ZMAT4: variants seen among roughly 807,000 people sequenced by gnomAD.
ZMAT4 encodes zinc finger matrin-type 4.
In ZMAT4, 17 loss-of-function variants were observed where a neutral mutation model predicts 28.7. The ratio of observed to expected loss-of-function variants is 0.59; its 90% CI spans 0.41 to 0.89. The LOEUF (loss-of-function observed/expected upper bound fraction) is 0.89. Among genes scored for constraint, ZMAT4 ranks in the 40% least tolerant of loss-of-function variants. The probability of loss-of-function intolerance (pLI) is 0.00; values close to 1 mark genes in which losing one functional copy is unlikely to be tolerated. For synonymous variants in ZMAT4, 117 were observed against 109.2 expected, an observed-to-expected ratio of 1.07 and a Z score of -0.44; for missense variants, 240 against 283.8, an observed-to-expected ratio of 0.85 and a Z score of 1.11.
intron 5 of ZMAT4, among the ~76,000 whole-genome samples, chr8:40,643,788 G>GAAA (rs1410504292): frequency 9.6e-5 from 2 of 20,754 alleles, no homozygotes; most frequent in Admixed American, 3.3e-4. Flanking sequence ...TTGTGTGTGT[G>GAAA]CAAAAAAAAA....
intron 3 of ZMAT4, among the ~76,000 whole-genome samples, chr8:40,757,410 C>T (rs1586002672): frequency 1.3e-5 from 2 of 152,102 alleles, no homozygotes; most frequent in East Asian, 3.9e-4. Flanking sequence ...GTCAAATGAC[C>T]TCCAAGATGT....
At chr8:40,771,360 A>C (rs148112489) in intron 2 of ZMAT4, among the ~76,000 whole-genome samples, 108 of 151,900 alleles carry the variant, frequency 7.1e-4, no homozygotes, top group Non-Finnish European at 1.3e-3. Context: ...CCCATGATTC[A>C]TTAGGATATG....
chr8:40,661,615 T>C (rs1808199387), intron 5 of ZMAT4, among the ~76,000 whole-genome samples: 1 of 152,212 alleles, frequency 6.6e-6, no homozygotes, highest in Non-Finnish European at 1.5e-5. Context: ...GTTATAATTT[T>C]AGAAACAAAC....
chr8:40,601,373 A>G (rs908414951), intron 5 of ZMAT4, among the ~76,000 whole-genome samples: 1 of 146,614 alleles, frequency 6.8e-6, no homozygotes, highest in Non-Finnish European at 1.5e-5. Context: ...AGAGGCTGAT[A>G]GCCAAAAGAA....
At chr8:40,762,962 C>A (rs1305025528) in intron 3 of ZMAT4, among the ~76,000 whole-genome samples, 3 of 152,180 alleles carry the variant, frequency 2.0e-5, no homozygotes, top group African/African-American at 7.2e-5. Flanking sequence ...GAAGACATTA[C>A]CAATGCTGAC....
chr8:40,779,734 C>G (rs866946942), intron 2 of ZMAT4, among the ~76,000 whole-genome samples: 7 of 152,250 alleles, frequency 4.6e-5, no homozygotes, highest in Non-Finnish European at 7.4e-5. Context: ...CTTTCCTTTC[C>G]TCTCTTTTCA....
At chr8:40,757,015 T>A (rs1812725733) in intron 3 of ZMAT4, among the ~76,000 whole-genome samples, 1 of 152,126 alleles carries the variant, frequency 6.6e-6, no homozygotes, top group South Asian at 2.1e-4. Context: ...AGCCCTCTCG[T>A]GTTTTGGAAC....
chr8:40,862,827 GGGGGGA>G (rs1278281666), intron 1 of ZMAT4, among the ~76,000 whole-genome samples: 1 of 151,672 alleles, frequency 6.6e-6, no homozygotes, highest in Non-Finnish European at 1.5e-5. Context: ...GTCATGCGGT[GGGGGGA>G]GGGGGAGGGC....
intron 3 of ZMAT4, among the ~76,000 whole-genome samples, chr8:40,720,073 C>A (rs1482586018): frequency 1.3e-5 from 2 of 152,148 alleles, no homozygotes; most frequent in African/African-American, 2.4e-5. Flanking sequence ...ATGGACTTGC[C>A]TCTCCCTAAT....
intron 3 of ZMAT4, among the ~76,000 whole-genome samples, chr8:40,707,107 T>C (rs1810390666): frequency 6.6e-6 from 1 of 152,162 alleles, no homozygotes; most frequent in South Asian, 2.1e-4. Flanking sequence ...CGTCTCTCTA[T>C]ATGCAAGGGC....
At position 40,674,726 on chromosome 8, in the gene ZMAT4, G is replaced by C; in HGVS notation, c.555C>G (p.Thr185=). The change falls in exon 5 of 7, where the codon ACC becomes ACG. Residue 185 remains threonine, a synonymous_variant. Coordinates refer to ENST00000297737, the MANE Select transcript of ZMAT4 (RefSeq NM_024645.3). The part of the protein sequence containing the change: ...RVALLEQLGT[T]LDMGELRGLR... The stretch of plus-strand genomic sequence containing the variant: ...TACCTCTCAGTTCCCCCATATCCAG[G>C]GTTGTCCCCAGTTGTTCTAACAAAG... The C allele has an allele frequency of 1.2e-6, 2 of 1,613,802 alleles. No individual in the cohort carries two copies. The highest frequency in any genetic ancestry group is 1.7e-6 in the Non-Finnish European group (2 of 1,179,826).
intron 3 of ZMAT4, among the ~76,000 whole-genome samples, chr8:40,734,316 G>A (rs1483474160): frequency 1.3e-5 from 2 of 152,192 alleles, no homozygotes; most frequent in African/African-American, 4.8e-5. Context: ...ATTATTAAAT[G>A]GCACTTAAGA....
chr8:40,608,323 C>G (rs764198457), intron 5 of ZMAT4, among the ~76,000 whole-genome samples: 173 of 152,242 alleles, frequency 1.1e-3, no homozygotes, highest in Non-Finnish European at 2.3e-3. Context: ...ATGGCTGCCT[C>G]TGCTGCATCA....
rs1382642549 is a variant in ZMAT4 at position 40,674,101 on chromosome 8, T to C, written c.577+603A>G. ...TCATCTTTTTTTTTTTTTTTTTTTT[T>C]TTTAAATTTTTGAGACAGAGTCTCA... On this transcript the variant is annotated intron_variant, in intron 5 of 6. Transcript: ENST00000297737. 1.0e-4 allele frequency among the ~76,000 whole-genome samples: 13 copies of C among 127,256 alleles called. No individual in the cohort carries two copies. In the South Asian group the frequency reaches 3.4e-3, roughly 33 times the overall value. The allele number at this position is 127,256 out of a possible 152,430, so 83.5% of individuals were successfully genotyped here. A position where few individuals can be genotyped will look rare whatever the true frequency, so the allele number is the denominator to read the frequency against.
At chr8:40,601,488 A>AAAAGAAG (rs1805325719) in intron 5 of ZMAT4, among the ~76,000 whole-genome samples, 1 of 117,964 alleles carries the variant, frequency 8.5e-6, no homozygotes, top group African/African-American at 3.5e-5. Context: ...AAAGAAAGAA[A>AAAAGAAG]GAAAGAGAGA....
chr8:40,804,263 G>T (rs1012040754), intron 2 of ZMAT4, among the ~76,000 whole-genome samples: 16 of 152,140 alleles, frequency 1.1e-4, no homozygotes, highest in Non-Finnish European at 1.8e-4. Context: ...GTCAATGTAG[G>T]TTCATTACTT....
chr8:40,539,883 G>A (rs7819971), intron 6 of ZMAT4, among the ~76,000 whole-genome samples: 16,783 of 152,226 alleles, frequency 0.11, 2,861 homozygotes, highest in African/African-American at 0.37. Context: ...GTGACTCATA[G>A]TGAGTCCCTA....
In ZMAT4 at chr8:40,712,875, C is replaced by T. The variant is rs536638924; in HGVS notation, c.193-15474G>A. Among the ~76,000 whole-genome samples the T allele has an allele frequency of 3.9e-5, 6 of 152,154 alleles. No individual in the cohort carries two copies. The East Asian group carries it at 1.2e-3, about 29-fold the overall frequency. On this transcript the variant is annotated intron_variant, in intron 3 of 6. Transcript: ENST00000297737. Reference sequence around the variant, plus strand: ...CTAAAGAAAGGGACTAAAGAATTTGCTAATTGAATTAGCCAACAGCAATAA... The same window carrying T: ...CTAAAGAAAGGGACTAAAGAATTTGTTAATTGAATTAGCCAACAGCAATAA...
chr8:40,742,688 G>A (rs1361269981), intron 3 of ZMAT4, among the ~76,000 whole-genome samples: 3 of 151,768 alleles, frequency 2.0e-5, no homozygotes, highest in Non-Finnish European at 4.4e-5. Flanking sequence ...TTCAGTGGGT[G>A]TTATCTCCTT....
Sources: allele counts gnomAD v4.1 joint callset (sites outside exome capture counted in the v4.1 genomes callset), GRCh38; gene constraint gnomAD v4.1.1; transcripts MANE v1.5; gene names NCBI Gene and HGNC (gene_info 2026-07-23, HGNC 2026-07-21).